The following TDRD3 variants were observed in gnomAD, a reference collection of about 807,000 sequenced individuals.
The protein encoded by TDRD3 is tudor domain-containing protein 3.
In TDRD3, 45 loss-of-function variants were observed where a neutral mutation model predicts 86.7. The observed-to-expected ratio is 0.52, with a 90% confidence interval of 0.41 to 0.67. The LOEUF is 0.67. Among genes scored for constraint, TDRD3 ranks in the 30% least tolerant of loss-of-function variants. The pLI is 0.00. For missense variants in TDRD3, 814 were observed against 889.0 expected (o/e 0.92, Z 1.07); for synonymous variants, 298 against 301.7 (o/e 0.99, Z 0.13).
chr13:60,466,743 G>A (rs1955942764), intron 4 of TDRD3, among the ~76,000 whole-genome samples: 1 of 151,638 alleles, frequency 6.6e-6, no homozygotes, highest in African/African-American at 2.4e-5. Context: ...AGTCAAAATT[G>A]TGCCACTGCC....
rs566821982 is a variant in TDRD3 at position 60,452,276 on chromosome 13, T to C, written c.192+7528T>C. Among the ~76,000 whole-genome samples the C allele has an allele frequency of 7.0e-4, 107 of 152,294 alleles. 1 individual carries two copies. Among genetic ancestry groups the C allele is most frequent in the Middle Eastern group, 3.4e-3 (1 of 294 alleles). ...TTCCTGGACCTATCTATTTTTGTTA[T>C]TGTAAATGGTGTTTAAAAATTTTTT... On this transcript the variant is annotated intron_variant, in intron 3 of 13. Coordinates refer to ENST00000377881, the MANE Select transcript of TDRD3 (RefSeq NM_001146070.2).
chr13:60,468,444 A>T (rs1319475493), intron 5 of TDRD3, among the ~76,000 whole-genome samples: 1 of 152,010 alleles, frequency 6.6e-6, no homozygotes, highest in African/African-American at 2.4e-5. Context: ...TAAACATTTT[A>T]TTCTTTTTGT....
intron 10 of TDRD3, 22 bp from the exon 11 acceptor site, chr13:60,528,345 A>G (rs1957495214): frequency 1.3e-5 from 20 of 1,560,460 alleles, no homozygotes; most frequent in Non-Finnish European, 1.6e-5. Context: ...TAATTTGCAT[A>G]TGGTATACTT....
chr13:60,532,789 T>G (rs1957615212), intron 11 of TDRD3, among the ~76,000 whole-genome samples: 1 of 152,198 alleles, frequency 6.6e-6, no homozygotes, highest in African/African-American at 2.4e-5. Context: ...ATTAGTTTCC[T>G]TGCCTGAAAC....
intron 4 of TDRD3, among the ~76,000 whole-genome samples, chr13:60,466,722 A>C (rs1037727930): frequency 9.9e-5 from 15 of 151,926 alleles, no homozygotes; most frequent in African/African-American, 3.6e-4. Flanking sequence ...TGGGAGACAG[A>C]GGTTTCAGTG....
At chr13:60,516,164 T>G (rs1256658760) in intron 10 of TDRD3, among the ~76,000 whole-genome samples, 1 of 152,218 alleles carries the variant, frequency 6.6e-6, no homozygotes, top group East Asian at 1.9e-4. Context: ...TTCTTGCTTC[T>G]GTGTTTTGTA....
intron 5 of TDRD3, among the ~76,000 whole-genome samples, chr13:60,473,221 G>C (rs1956107960): frequency 6.6e-6 from 1 of 152,146 alleles, no homozygotes; most frequent in African/African-American, 2.4e-5. Context: ...TCTTTCATCA[G>C]GATCCCACTC....
intron 5 of TDRD3, among the ~76,000 whole-genome samples, chr13:60,482,538 A>G (rs1034633408): frequency 2.6e-5 from 4 of 152,224 alleles, no homozygotes; most frequent in Admixed American, 2.0e-4. Context: ...GAACTTTTCA[A>G]GGAAATGATA....
At chr13:60,499,899 A>G (rs1956797125) in intron 8 of TDRD3, among the ~76,000 whole-genome samples, 1 of 152,148 alleles carries the variant, frequency 6.6e-6, no homozygotes, top group South Asian at 2.1e-4. Context: ...GCCAGTTTTG[A>G]GTGGGGTCCA....
At chr13:60,567,460 A>AT (rs1449447845) in intron 12 of TDRD3, 65 bp from the exon 13 acceptor site, 105 of 1,605,904 alleles carry the variant, frequency 6.5e-5, no homozygotes, top group Non-Finnish European at 7.7e-5. Flanking sequence ...GGACCATACA[A>AT]TTTTTTTTAC....
At chr13:60,460,178 G>A (rs1037847027) in intron 3 of TDRD3, among the ~76,000 whole-genome samples, 1 of 150,126 alleles carries the variant, frequency 6.7e-6, no homozygotes, top group Non-Finnish European at 1.5e-5. Flanking sequence ...TTCTTCAGGA[G>A]ACCTTTTTGA....
intron 8 of TDRD3, among the ~76,000 whole-genome samples, chr13:60,505,700 A>G (rs1221516300): frequency 6.6e-6 from 1 of 152,232 alleles, no homozygotes; most frequent in East Asian, 1.9e-4. Flanking sequence ...ACCCGATGGA[A>G]TTGAAAAACA....
chr13:60,541,181 T>C (rs531968584), intron 12 of TDRD3, among the ~76,000 whole-genome samples: 5 of 143,616 alleles, frequency 3.5e-5, no homozygotes, highest in Non-Finnish European at 6.1e-5. Flanking sequence ...TTCTTTCTTT[T>C]TTTGAGACGG....
intron 3 of TDRD3, 108 bp downstream of exon 3, chr13:60,444,856 C>T (rs1357571973): frequency 7.2e-6 from 4 of 554,990 alleles, no homozygotes; most frequent in Non-Finnish European, 1.2e-5. Flanking sequence ...GCAAAATACT[C>T]TGGAGGTGAA....
intron 11 of TDRD3, among the ~76,000 whole-genome samples, chr13:60,534,549 A>C (rs1199976597): frequency 6.7e-6 from 1 of 148,632 alleles, no homozygotes; most frequent in African/African-American, 2.4e-5. Flanking sequence ...AGCACTGAGC[A>C]GCCTTTTTTG....
In TDRD3 at chr13:60,567,706, A is replaced by G. The variant is rs1209961310; in HGVS notation, c.*9+56A>G. 1.9e-6 allele frequency: 3 copies of G among 1,594,258 alleles called. No homozygotes were observed. The Admixed American group carries it at 5.4e-5, about 28-fold the overall frequency. ...ATAAAGAAAGATGAAATTCATGTTA[A>G]GCATATAAGTCCAATTAGTGATTTT... is the stretch of plus-strand genomic sequence containing the variant. On this transcript the variant is annotated intron_variant, in intron 13 of 13. Transcript: ENST00000377881.
intron 12 of TDRD3, among the ~76,000 whole-genome samples, chr13:60,539,487 A>C (rs1957766225): frequency 6.6e-6 from 1 of 151,956 alleles, no homozygotes; most frequent in Non-Finnish European, 1.5e-5. Flanking sequence ...AGCATAACTT[A>C]AAGAATTGTA....
chr13:60,403,427 A>G (rs1954154793), intron 1 of TDRD3, among the ~76,000 whole-genome samples: 2 of 152,234 alleles, frequency 1.3e-5, no homozygotes, highest in African/African-American at 4.8e-5. Flanking sequence ...ATCAGTCTAG[A>G]AATTCATTCT....
intron 5 of TDRD3, among the ~76,000 whole-genome samples, chr13:60,477,991 G>A (rs373847912): frequency 6.6e-6 from 1 of 152,048 alleles, no homozygotes; most frequent in African/African-American, 2.4e-5. Flanking sequence ...GGCTGTGAAT[G>A]TATCTGGTCT....
Sources: gnomAD v4.1 joint callset for allele counts (sites outside exome capture counted in the v4.1 genomes callset) on GRCh38, gnomAD v4.1.1 for gene constraint, MANE v1.5 for transcripts, NCBI Gene and HGNC (gene_info 2026-07-23, HGNC 2026-07-21) for gene names.